Variants in TTC29 observed in about 807,000 individuals in gnomAD.
TTC29 encodes the protein tetratricopeptide repeat domain 29.
In TTC29, 49 loss-of-function variants were observed where a neutral mutation model predicts 58.1. The observed-to-expected ratio is 0.84, with a 90% CI of 0.67 to 1.07. The LOEUF is 1.07. TTC29 is among the 50% of genes least tolerant of loss of function. TTC29 has a pLI of 0.00. For missense variants in TTC29, 582 were observed against 555.6 expected, an observed-to-expected ratio of 1.05 and a Z score of -0.48; for synonymous variants, 209 against 196.8, an observed-to-expected ratio of 1.06 and a Z score of -0.52.
chr4:146,730,368 G>A (rs1440574416), intron 11 of TTC29, among the ~76,000 whole-genome samples: 1 of 152,138 alleles, frequency 6.6e-6, no homozygotes, highest in Non-Finnish European at 1.5e-5. Context: ...TTCGAGTGGA[G>A]ATATCAGATA....
intron 9 of TTC29, among the ~76,000 whole-genome samples, chr4:146,823,095 C>T (rs1751953699): frequency 1.3e-5 from 2 of 152,092 alleles, no homozygotes; most frequent in African/African-American, 2.4e-5. Context: ...TATGCAGAAG[C>T]TCTTTAGTTT....
At chr4:146,901,764 T>C (rs1008013296) in intron 6 of TTC29, among the ~76,000 whole-genome samples, 2 of 152,244 alleles carry the variant, frequency 1.3e-5, no homozygotes, top group African/African-American at 4.8e-5. Flanking sequence ...ATAACCATTG[T>C]GTATCCCCTT....
chr4:146,838,082 G>A (rs1445536781), intron 8 of TTC29, among the ~76,000 whole-genome samples: 3 of 151,930 alleles, frequency 2.0e-5, no homozygotes, highest in Non-Finnish European at 4.4e-5. Flanking sequence ...TGAAGATGAA[G>A]CTTTAAAAAC....
intron 11 of TTC29, among the ~76,000 whole-genome samples, chr4:146,728,103 A>G (rs1301080051): frequency 6.6e-6 from 1 of 152,036 alleles, no homozygotes; most frequent in East Asian, 1.9e-4. Flanking sequence ...CCTGGCCAAC[A>G]TGGCAAAACC....
At chr4:146,739,461 T>C (rs1744958389) in intron 11 of TTC29, among the ~76,000 whole-genome samples, 1 of 152,344 alleles carries the variant, frequency 6.6e-6, no homozygotes, top group South Asian at 2.1e-4. Context: ...GTTATTTGTA[T>C]GCATGATTTT....
At chr4:146,725,268 T>C (rs1475920656) in intron 11 of TTC29, among the ~76,000 whole-genome samples, 1 of 152,194 alleles carries the variant, frequency 6.6e-6, no homozygotes, top group Non-Finnish European at 1.5e-5. Context: ...GACTGGTAGA[T>C]CACACCTGTA....
chr4:146,789,966 C>T (rs1180897540), intron 11 of TTC29, among the ~76,000 whole-genome samples: 1 of 152,102 alleles, frequency 6.6e-6, no homozygotes, highest in Non-Finnish European at 1.5e-5. Flanking sequence ...CTGGCTTCCC[C>T]TCAAACTTCA....
At chr4:146,761,425 A>G (rs1746891842) in intron 11 of TTC29, among the ~76,000 whole-genome samples, 2 of 151,984 alleles carry the variant, frequency 1.3e-5, no homozygotes, top group African/African-American at 2.4e-5. Flanking sequence ...GTCACAAATT[A>G]TGCATGAAAA....
At chr4:146,891,757 G>A (rs1243823477) in intron 6 of TTC29, among the ~76,000 whole-genome samples, 2 of 152,174 alleles carry the variant, frequency 1.3e-5, no homozygotes, top group East Asian at 1.9e-4. Context: ...GCCAGAGCAC[G>A]AGTGTCTTGG....
intron 6 of TTC29, among the ~76,000 whole-genome samples, chr4:146,879,069 A>C (rs1293466279): frequency 6.6e-6 from 1 of 152,138 alleles, no homozygotes; most frequent in African/African-American, 2.4e-5. Flanking sequence ...AGTCCTTCTC[A>C]TATGTAGGGA....
At chr4:146,746,369 A>G (rs1398558074) in intron 11 of TTC29, among the ~76,000 whole-genome samples, 2 of 152,222 alleles carry the variant, frequency 1.3e-5, no homozygotes, top group South Asian at 2.1e-4. Context: ...TGTTAAAAAT[A>G]TCACAAATTC....
chr4:146,842,902 T>C (rs1246599997), intron 8 of TTC29, among the ~76,000 whole-genome samples: 1 of 152,190 alleles, frequency 6.6e-6, no homozygotes, highest in Non-Finnish European at 1.5e-5. Context: ...CAAATCTTAT[T>C]GGAAATACAT....
chr4:146,779,437 AT>A (rs1748401985), intron 11 of TTC29, among the ~76,000 whole-genome samples: 1 of 152,220 alleles, frequency 6.6e-6, no homozygotes, highest in Non-Finnish European at 1.5e-5. Context: ...TAGAAAAAGC[AT>A]TCAAGTAATA....
At chr4:146,802,882 A>T (rs1400305166) in intron 11 of TTC29, among the ~76,000 whole-genome samples, 2 of 152,176 alleles carry the variant, frequency 1.3e-5, no homozygotes, top group African/African-American at 4.8e-5. Context: ...TTGGCACATA[A>T]TACTGACCCC....
At chr4:146,750,718 A>T (rs984611191) in intron 11 of TTC29, among the ~76,000 whole-genome samples, 74 of 152,342 alleles carry the variant, frequency 4.9e-4, no homozygotes, top group African/African-American at 1.8e-3. Flanking sequence ...AAAAAACTAT[A>T]GCAGATATAC....
chr4:146,908,280 T>G (rs1463738129), intron 5 of TTC29, among the ~76,000 whole-genome samples: 1 of 152,176 alleles, frequency 6.6e-6, no homozygotes, highest in Non-Finnish European at 1.5e-5. Context: ...GAATACCAAA[T>G]TTACATGCCA....
chr4:146,892,541 A>T (rs1732448340), intron 6 of TTC29, among the ~76,000 whole-genome samples: 1 of 152,234 alleles, frequency 6.6e-6, no homozygotes, highest in South Asian at 2.1e-4. Context: ...TCTCAAAATA[A>T]TAAGAGCTAT....
intron 11 of TTC29, among the ~76,000 whole-genome samples, chr4:146,707,885 G>A (rs1561046231): frequency 1.3e-5 from 2 of 152,086 alleles, no homozygotes; most frequent in South Asian, 4.1e-4. Context: ...GTCCATAAAG[G>A]CTATGCAGCC....
In TTC29 at chr4:146,820,234, G is replaced by T. The variant is rs200264302; in HGVS notation, c.992C>A (p.Thr331Lys). ...AKVLQSQGEM[T>K]EAIKYLKKFV... ...TTTTTTCAAGTATTTAATTGCTTCT[G>T]TCATCTCTCCTTGGCTAGAATGAAT... Residue 331 changes from threonine (T) to lysine (K), a missense_variant, in exon 10 of 13, where the codon ACA (threonine) becomes AAA (lysine). Coordinates refer to ENST00000325106, the MANE Select transcript of TTC29 (RefSeq NM_031956.4). 6.2e-7 allele frequency: 1 copy of T among 1,611,806 alleles called. No individual in the cohort carries two copies. Among genetic ancestry groups the T allele is most frequent in the South Asian group, 1.1e-5 (1 of 91,028 alleles).
Sources: gnomAD v4.1 joint callset for allele counts (sites outside exome capture counted in the v4.1 genomes callset) on GRCh38, gnomAD v4.1.1 for gene constraint, MANE v1.5 for transcripts, NCBI Gene and HGNC (gene_info 2026-07-23, HGNC 2026-07-21) for gene names.